The following JAG2 variants were observed in gnomAD, a reference collection of about 807,000 sequenced individuals.
JAG2 encodes protein jagged-2.
Under a neutral mutation model 141.7 loss-of-function variants are expected in JAG2, and 46 were observed. The observed-to-expected ratio is 0.32, with a 90% CI of 0.26 to 0.42. JAG2 has a LOEUF of 0.42. Ranked by LOEUF, JAG2 falls within the 10% of genes least tolerant of loss-of-function variation. The pLI is 1.00. For synonymous variants in JAG2, 862 were observed against 763.5 expected (o/e 1.13, Z -2.13); for missense variants, 1,500 against 1,817.5 (o/e 0.83, Z 3.18).
chr14:105,149,749 C>G (rs1159267998), intron 12 of JAG2, among the ~76,000 whole-genome samples: 1 of 147,264 alleles, frequency 6.8e-6, no homozygotes, highest in Non-Finnish European at 1.5e-5. Flanking sequence ...GACAGGAGGC[C>G]CATCCTCTGC....
At position 105,142,584 on chromosome 14, in the gene JAG2, G is replaced by GT. The variant is rs145952626; in HGVS notation, c.*110dup. ...AAACATTTGGTTTTTGTTTTTGGTG[G>GT]TTTTTTTACACAAAATAAAGAAACT... On this transcript the variant is annotated 3_prime_UTR_variant, in exon 26 of 26. Coordinates refer to ENST00000331782, the MANE Select transcript of JAG2 (RefSeq NM_002226.5). 0.13 allele frequency: 101,459 copies of GT among 785,498 alleles called. 7,737 individuals carry two copies. Among genetic ancestry groups the GT allele is most frequent in the South Asian group, 0.24 (14,037 of 57,544 alleles). 48.7% of individuals were successfully genotyped at this position (785,498 alleles called of 1,614,324 possible).
At chr14:105,148,270 G>A (rs768900179) in intron 16 of JAG2, 41 bp from the exon 17 acceptor site, 15 of 1,575,106 alleles carry the variant, frequency 9.5e-6, no homozygotes, top group Admixed American at 3.6e-5. Flanking sequence ...GCCCCAGACC[G>A]CCAGGGCCAG....
chr14:105,146,368 T>G lies in JAG2; in HGVS notation c.2709+17A>C. On this transcript the variant is annotated intron_variant, in intron 22 of 25. Transcript: ENST00000331782. ...CCAGCCTCGGGTAGGGCAGGGCGGC[T>G]CACGGGCTGCCCTCACCTTGCTGCA... The G allele has an allele frequency of 6.2e-7, 1 of 1,600,376 alleles. No individual in the cohort carries two copies. Among genetic ancestry groups the G allele is most frequent in the Non-Finnish European group, 8.6e-7 (1 of 1,168,992 alleles).
chr14:105,148,905 C>A, intron 14 of JAG2, 32 bp downstream of exon 14: 2 of 1,596,014 alleles, frequency 1.3e-6, no homozygotes, highest in Non-Finnish European at 1.7e-6. Context: ...CAGCCCAGCC[C>A]CACCACCAGC....
chr14:105,142,422 C>T lies in JAG2; in HGVS notation c.*273G>A. The T allele has an allele frequency of 2.2e-6, 1 of 464,776 alleles. No individual in the cohort carries two copies. The highest frequency in any genetic ancestry group is 3.9e-6 in the Non-Finnish European group (1 of 258,716). 28.8% of individuals were successfully genotyped at this position (464,776 alleles called of 1,614,324 possible). On this transcript the variant is annotated 3_prime_UTR_variant, in exon 26 of 26. Coordinates refer to ENST00000331782, the MANE Select transcript of JAG2 (RefSeq NM_002226.5). Reference sequence around the variant, plus strand: ...TACGATTTGGTGACGACGCAGACACCCTTTGCTCTCTCCTTTCATACAGCG... The same window carrying T: ...TACGATTTGGTGACGACGCAGACACTCTTTGCTCTCTCCTTTCATACAGCG...
chr14:105,142,537 A>T lies in JAG2; in HGVS notation c.*158T>A. ...TGACAGTTACTGAATAATTTATACA[A>T]GGTTAAAGAAACGTAGAAAATAAAC... is the stretch of plus-strand genomic sequence containing the variant. On this transcript the variant is annotated 3_prime_UTR_variant, in exon 26 of 26. Transcript: ENST00000331782. The T allele has an allele frequency of 1.6e-6, 1 of 611,046 alleles. No homozygotes were observed. The highest frequency in any genetic ancestry group is 2.9e-6 in the Non-Finnish European group (1 of 347,474). The allele number at this position is 611,046 out of a possible 1,614,324, so 37.9% of individuals were successfully genotyped here. A position where few individuals can be genotyped will look rare whatever the true frequency, so the allele number is the denominator to read the frequency against.
chr14:105,142,668 G>A lies in JAG2; in HGVS notation c.*27C>T, dbSNP rs140667562. On this transcript the variant is annotated 3_prime_UTR_variant, in exon 26 of 26. Transcript: ENST00000331782. The stretch of plus-strand genomic sequence containing the variant: ...CGGCATGGCTCCCACCGAGGGCCCT[G>A]GGTCCCGGCCCAGCTGGCAGCCGCC... 0.016 allele frequency: 25,158 copies of A among 1,554,996 alleles called. 225 individuals carry two copies. Among genetic ancestry groups the A allele is most frequent in the Non-Finnish European group, 0.019 (21,436 of 1,143,956 alleles).
chr14:105,156,058 G>C, intron 3 of JAG2, 69 bp from the exon 4 acceptor site: 2 of 1,575,296 alleles, frequency 1.3e-6, no homozygotes, highest in East Asian at 4.5e-5. Context: ...CAGGAACAAC[G>C]GGGACGGGGC....
At chr14:105,158,622 G>A (rs587613708) in intron 2 of JAG2, among the ~76,000 whole-genome samples, 2 of 152,162 alleles carry the variant, frequency 1.3e-5, no homozygotes, top group East Asian at 3.9e-4. Context: ...GGACCCCCGG[G>A]ACATGCCCTG....
At position 105,167,816 on chromosome 14, in the gene JAG2, G is replaced by A. The variant is rs1236670971; in HGVS notation, c.358C>T (p.Arg120Trp). Residue 120 changes from arginine (R) to tryptophan (W), a missense_variant, in exon 2 of 26, where the codon CGG (arginine) becomes TGG (tryptophan). Coordinates refer to ENST00000331782, the MANE Select transcript of JAG2 (RefSeq NM_002226.5). The surrounding 1 kb of genome is among the most constrained non-coding windows in gnomAD (Gnocchi z 4.8). ...AAGDRARARARAGGDQDPGLV... is the reference protein window; with the variant it reads ...AAGDRARARAWAGGDQDPGLV... The stretch of plus-strand genomic sequence containing the variant: ...CCCGGGTCCTGGTCGCCGCCGGCCC[G>A]GGCCCGCGCCCGCGCTCGGTCCCCC... 2.7e-6 allele frequency: 4 copies of A among 1,469,020 alleles called. No individual in the cohort carries two copies. The highest frequency in any genetic ancestry group is 3.6e-6 in the Non-Finnish European group (4 of 1,114,408). The allele number at this position is 1,469,020 out of a possible 1,614,324, so 91.0% of individuals were successfully genotyped here.
intron 23 of JAG2, 32 bp from the exon 24 acceptor site, chr14:105,145,093 C>A (rs760249379): frequency 6.2e-7 from 1 of 1,607,242 alleles, no homozygotes; most frequent in African/African-American, 1.3e-5. Context: ...GTGGGCAGGG[C>A]AGGGCCGTGA....
rs1377558417 is a variant in JAG2, at chr14:105,151,021, G to A, written c.1351C>T (p.Pro451Ser). 8 of 1,613,030 alleles carry A rather than the reference G, an allele frequency of 5.0e-6. No homozygotes were observed. The Admixed American group carries it at 8.3e-5, about 17-fold the overall frequency. The change falls in exon 10 of 26, where the codon CCG becomes TCG. Residue 451 changes from proline to serine, a missense_variant. Coordinates refer to ENST00000331782, the MANE Select transcript of JAG2 (RefSeq NM_002226.5). Reference protein sequence around the residue: ...LIGGYYCDCIPGWKGINCHIN... With the variant: ...LIGGYYCDCISGWKGINCHIN... ...TGGCAGTTGATGCCCTTCCAGCCCG[G>A]GATGCAATCACAGTAATAGCCGCCA...
At chr14:105,157,478 A>G (rs866814978) in intron 3 of JAG2, among the ~76,000 whole-genome samples, 1 of 152,192 alleles carries the variant, frequency 6.6e-6, no homozygotes, top group South Asian at 2.1e-4. Flanking sequence ...GAGCACACCC[A>G]AGAGGAGAAC....
rs587613216 is a variant in JAG2 at position 105,152,334 on chromosome 14, G to A, written c.789-43C>T. The A allele has an allele frequency of 8.0e-5, 128 of 1,597,514 alleles. 1 individual carries two copies. In the East Asian group the frequency reaches 1.5e-3, roughly 18 times the overall value. On this transcript the variant is annotated intron_variant, in intron 5 of 25. Transcript: ENST00000331782. ...GGCGCAAGACCCAGTGAGCTGTGGT[G>A]CCTGAAAGGGTGGCAGGGGAGCCAG...
At position 105,151,030 on chromosome 14, in the gene JAG2, C is replaced by A; in HGVS notation, c.1342G>T (p.Asp448Tyr). ...CKNLIGGYYC[D>Y]CIPGWKGINC... is the part of the protein sequence containing the mutation. ...ATGCCCTTCCAGCCCGGGATGCAAT[C>A]ACAGTAATAGCCGCCAATCAGGTTT... The change falls in exon 10 of 26, where the codon GAT (aspartate) becomes TAT (tyrosine). Residue 448 changes from aspartate to tyrosine, a missense_variant. Physicochemically the swap from Asp to Tyr is radical, Grantham distance 160. This residue lies in a region of JAG2 where 875 missense variants were observed against 1,202.2 expected (regional missense o/e 0.73). Coordinates refer to ENST00000331782, the MANE Select transcript of JAG2 (RefSeq NM_002226.5). 1 of 1,613,180 alleles carries A rather than the reference C, an allele frequency of 6.2e-7. No homozygotes were observed.
At chr14:105,161,962 T>C (rs72707623) in intron 2 of JAG2, among the ~76,000 whole-genome samples, 1,808 of 152,082 alleles carry the variant, frequency 0.012, 17 homozygotes, top group Middle Eastern at 0.021. Context: ...ACCAAACCCC[T>C]AGAACACAGG....
rs1888959027 is a variant in JAG2, at chr14:105,167,622, G to GCCGGC, written c.417+130_417+134dup. 2.8e-6 allele frequency: 3 copies of GCCGGC among 1,057,302 alleles called. No homozygotes were observed. The allele number at this position is 1,057,302 out of a possible 1,614,324, so 65.5% of individuals were successfully genotyped here. ...CAAGTCCCCAGAGCACGCGCCCCCT[G>GCCGGC]CCGGCCCCGCCCCGCCTGGGCGCGC... On this transcript the variant is annotated intron_variant, in intron 2 of 25. Coordinates refer to ENST00000331782, the MANE Select transcript of JAG2 (RefSeq NM_002226.5). This position sits in a 1 kb window ranked among gnomAD's most constrained non-coding sequence, Gnocchi z 4.8.
intron 3 of JAG2, among the ~76,000 whole-genome samples, chr14:105,157,128 C>T (rs1032353166): frequency 1.3e-5 from 2 of 152,186 alleles, no homozygotes; most frequent in African/African-American, 2.4e-5. Flanking sequence ...GCCCCACAGC[C>T]CACCCTCCAT....
intron 2 of JAG2, among the ~76,000 whole-genome samples, chr14:105,161,942 T>C (rs1376605381): frequency 2.6e-5 from 4 of 151,544 alleles, no homozygotes; most frequent in Admixed American, 6.6e-5. Flanking sequence ...TGGGACAGGG[T>C]TTTGTCAACA....
Sources: gnomAD v4.1 joint callset for allele counts (sites outside exome capture counted in the v4.1 genomes callset) on GRCh38, gnomAD v4.1.1 for gene constraint, gnomAD v4.1.1 regional missense constraint, Gnocchi (gnomAD v3.1) non-coding constraint, MANE v1.5 for transcripts, NCBI Gene and HGNC (gene_info 2026-07-23, HGNC 2026-07-21) for gene names.